Variants in CSDE1 observed in about 807,000 individuals in gnomAD.
The protein encoded by CSDE1 is cold shock domain containing E1, also known as cold shock domain-containing protein E1.
In CSDE1, 17 loss-of-function variants were observed where a neutral mutation model predicts 89.3. The observed-to-expected ratio is 0.19, with a 90% CI of 0.13 to 0.29. The LOEUF is 0.29. CSDE1 is among the 10% of genes least tolerant of loss of function. The pLI is 1.00. For synonymous variants in CSDE1, 322 were observed against 332.8 expected, an observed-to-expected ratio of 0.97 and a Z score of 0.35; for missense variants, 672 against 984.2, an observed-to-expected ratio of 0.68 and a Z score of 4.24.
chr1:114,747,304 T>A (rs1000800692), intron 2 of CSDE1, among the ~76,000 whole-genome samples: 1 of 152,232 alleles, frequency 6.6e-6, no homozygotes, highest in African/African-American at 2.4e-5. Flanking sequence ...TTACCAAATC[T>A]GTTTTCTTAG....
chr1:114,744,725 T>C (rs1257611188), intron 2 of CSDE1, among the ~76,000 whole-genome samples: 3 of 151,826 alleles, frequency 2.0e-5, no homozygotes, highest in Non-Finnish European at 4.4e-5. Flanking sequence ...GACTGATATC[T>C]GATTATACAA....
intron 1 of CSDE1, among the ~76,000 whole-genome samples, chr1:114,751,646 C>T (rs1264749315): frequency 6.6e-6 from 1 of 150,886 alleles, no homozygotes; most frequent in Non-Finnish European, 1.5e-5. Context: ...ATTACCCAGA[C>T]TAGATATATG....
Position 114,718,124 on chromosome 1 carries a change from C to A in CSDE1, c.*45G>T, listed in dbSNP as rs1272676156. On this transcript the variant is annotated 3_prime_UTR_variant, in exon 20 of 20. Transcript: ENST00000358528. ...ATTCAGAACCCTTCACCAGATTCCC[C>A]CCAACTTGATCATAGTGGATTAATG... 6.2e-7 allele frequency: 1 copy of A among 1,607,180 alleles called. No homozygotes were observed. Among genetic ancestry groups the A allele is most frequent in the South Asian group, 1.1e-5 (1 of 90,606 alleles).
intron 16 of CSDE1, among the ~76,000 whole-genome samples, chr1:114,722,463 C>T (rs1659581291): frequency 6.6e-6 from 1 of 152,196 alleles, no homozygotes; most frequent in African/African-American, 2.4e-5. Flanking sequence ...TGCCCAACTT[C>T]AAAGTCTTAG....
rs140924706 is a variant in CSDE1, at chr1:114,750,835, G to C, written c.-387-628C>G. Among the ~76,000 whole-genome samples, 287 of 152,320 alleles carry C rather than the reference G, an allele frequency of 1.9e-3. 1 individual carries two copies. Among genetic ancestry groups the C allele is most frequent in the African/African-American group, 6.6e-3 (273 of 41,570 alleles). ...AGGCATGAAACAGCACATAAGTCAA[G>C]CGAGAATATGCCACTAAATTCTTTC... On this transcript the variant is annotated intron_variant, in intron 1 of 19. Transcript: ENST00000358528.
rs765615057 is a variant in CSDE1 at position 114,732,634 on chromosome 1, T to A, written c.1020A>T (p.Thr340=). The A allele has an allele frequency of 5.6e-6, 9 of 1,614,176 alleles. No individual in the cohort carries two copies. Among genetic ancestry groups the A allele is most frequent in the Non-Finnish European group, 7.6e-6 (9 of 1,180,018 alleles). Residue 340 remains threonine, a synonymous_variant, in exon 10 of 20, where the codon ACA becomes ACT. Transcript: ENST00000358528. ...RATNIEVLSN[T]FQFTNEAREM... is the part of the protein sequence containing the mutation. ...CTCGGGCTTCATTAGTGAACTGAAA[T>A]GTATTTGACAGAACTTCTATATTGG...
chr1:114,740,942 AG>A (rs1484768159), intron 2 of CSDE1, among the ~76,000 whole-genome samples: 1 of 152,244 alleles, frequency 6.6e-6, no homozygotes, highest in Admixed American at 6.5e-5. Context: ...AGGAAAAAAG[AG>A]TAACAAATTC....
chr1:114,752,860 C>G (rs1661380091), intron 1 of CSDE1, among the ~76,000 whole-genome samples: 1 of 152,152 alleles, frequency 6.6e-6, no homozygotes, highest in Admixed American at 6.5e-5. Context: ...GTATCTTGTT[C>G]CTCCAATTCT....
chr1:114,732,685 G>A lies in CSDE1; in HGVS notation c.969C>T (p.Asp323=), dbSNP rs749764479. ...GDHVRFNIST[D]RRDKLERATN... is the part of the protein sequence containing the mutation. ...TTGCTCGCTCTAATTTGTCACGTCG[G>A]TCTGTTGAAATATTAAACCTAACAT... The change falls in exon 10 of 20, where the codon GAC becomes GAT. Residue 323 remains aspartate, a synonymous_variant. Transcript: ENST00000358528. 6 of 1,614,160 alleles carry A rather than the reference G, an allele frequency of 3.7e-6. No homozygotes were observed. In the East Asian group the frequency reaches 1.1e-4, roughly 30 times the overall value.
At chr1:114,732,560 G>C (rs1243233216) in intron 10 of CSDE1, 44 bp downstream of exon 10, 4 of 1,573,336 alleles carry the variant, frequency 2.5e-6, no homozygotes, top group African/African-American at 1.3e-5. Context: ...TATAACATTG[G>C]CTTTCGCATA....
chr1:114,742,663 T>C (rs1157648339), intron 2 of CSDE1, among the ~76,000 whole-genome samples: 1 of 152,188 alleles, frequency 6.6e-6, no homozygotes, highest in South Asian at 2.1e-4. Flanking sequence ...GGCAAGCACA[T>C]GCAAAGAGCA....
chr1:114,726,472 A>G, intron 13 of CSDE1, 86 bp from the exon 14 acceptor site: 1 of 1,051,294 alleles, frequency 9.5e-7, no homozygotes, highest in Non-Finnish European at 1.3e-6. Flanking sequence ...TAACTCCCCC[A>G]GCGCATGCTT....
In CSDE1 at chr1:114,724,054, T is replaced by C. The variant is rs370712611; in HGVS notation, c.1754-52A>G. ...TCAATTTTATTTCATCTCTACTACA[T>C]AGAAAGACAAGTAAGCAAAAAATAA... is the stretch of plus-strand genomic sequence containing the variant. On this transcript the variant is annotated intron_variant, in intron 15 of 19. Coordinates refer to ENST00000358528, the MANE Select transcript of CSDE1 (RefSeq NM_001007553.3). 81 of 1,569,426 alleles carry C rather than the reference T, an allele frequency of 5.2e-5. No homozygotes were observed. Among genetic ancestry groups the C allele is most frequent in the Admixed American group, 1.5e-4 (8 of 54,382 alleles).
At chr1:114,745,433 A>G (rs2101072315) in intron 2 of CSDE1, among the ~76,000 whole-genome samples, 1 of 152,336 alleles carries the variant, frequency 6.6e-6, no homozygotes, top group African/African-American at 2.4e-5. Context: ...ATGAGACATA[A>G]GATATTTATA....
chr1:114,737,691 A>T, intron 4 of CSDE1, 128 bp from the exon 5 acceptor site: 1 of 744,802 alleles, frequency 1.3e-6, no homozygotes, highest in Non-Finnish European at 2.2e-6. Context: ...CCACAAGAGG[A>T]TGTCATGCTG....
chr1:114,739,987 C>T (rs563496133), intron 2 of CSDE1, 97 bp from the exon 3 acceptor site: 21 of 1,035,492 alleles, frequency 2.0e-5, no homozygotes, highest in African/African-American at 1.3e-4. Context: ...CATATAAAAA[C>T]GCAAAAAAAA....
intron 1 of CSDE1, among the ~76,000 whole-genome samples, chr1:114,755,906 G>C (rs1661571549): frequency 6.6e-6 from 1 of 152,128 alleles, no homozygotes; most frequent in Non-Finnish European, 1.5e-5. Flanking sequence ...AGTTTCAATA[G>C]ACTTAGTGCC....
chr1:114,753,375 G>C (rs796937858), intron 1 of CSDE1, among the ~76,000 whole-genome samples: 95 of 152,300 alleles, frequency 6.2e-4, no homozygotes, highest in African/African-American at 2.2e-3. Flanking sequence ...CCCACCAACA[G>C]TCATGAATAA....
chr1:114,723,646 A>T (rs1006749853), intron 16 of CSDE1, among the ~76,000 whole-genome samples: 3 of 152,248 alleles, frequency 2.0e-5, no homozygotes, highest in Non-Finnish European at 1.5e-5. Context: ...TATAACTCAT[A>T]GTTGCTCATG....
Sources: allele counts gnomAD v4.1 joint callset (sites outside exome capture counted in the v4.1 genomes callset), GRCh38; gene constraint gnomAD v4.1.1; transcripts MANE v1.5; gene names NCBI Gene and HGNC (gene_info 2026-07-23, HGNC 2026-07-21).